ACYP2: variants seen among roughly 807,000 people sequenced by gnomAD.
The protein encoded by ACYP2 is acylphosphatase 2, also known as acylphosphatase-2.
In ACYP2, 12 loss-of-function variants were observed where a neutral mutation model predicts 11.2. The observed-to-expected ratio is 1.08, with a 90% CI of 0.69 to 1.74. The LOEUF (loss-of-function observed/expected upper bound fraction) is 1.74, where lower values mean the gene tolerates loss of function less well. Among genes scored for constraint, ACYP2 ranks in the 40% most tolerant of loss-of-function variants. ACYP2 has a pLI of 0.00. For synonymous variants in ACYP2, 43 were observed against 32.2 expected, an observed-to-expected ratio of 1.33 and a Z score of -1.13; for missense variants, 134 against 101.9, an observed-to-expected ratio of 1.31 and a Z score of -1.35.
chr2:54,075,942 T>C (rs1051849287), intron 4 of ACYP2, among the ~76,000 whole-genome samples: 1 of 152,246 alleles, frequency 6.6e-6, no homozygotes, highest in Non-Finnish European at 1.5e-5. Context: ...TTTTTATTAA[T>C]CTTTATATTT....
intron 6 of ACYP2, among the ~76,000 whole-genome samples, chr2:54,182,430 C>A (rs1039607139): frequency 5.9e-5 from 9 of 152,166 alleles, no homozygotes; most frequent in Non-Finnish European, 1.3e-4. Flanking sequence ...AAGCCTTGAC[C>A]TTCCAGGCTC....
intron 6 of ACYP2, among the ~76,000 whole-genome samples, chr2:54,228,295 A>C (rs905663420): frequency 6.6e-6 from 1 of 152,202 alleles, no homozygotes; most frequent in South Asian, 2.1e-4. Context: ...TAATTCTGTA[A>C]GTGGATATAT....
At chr2:54,100,460 A>T (rs1270306216) in intron 4 of ACYP2, among the ~76,000 whole-genome samples, 2 of 151,556 alleles carry the variant, frequency 1.3e-5, no homozygotes, top group African/African-American at 2.4e-5. Flanking sequence ...GCCCCACCAC[A>T]CCTGGCTAAT....
intron 2 of ACYP2, among the ~76,000 whole-genome samples, chr2:53,977,323 G>C (rs977775212): frequency 6.6e-6 from 1 of 152,110 alleles, no homozygotes; most frequent in Non-Finnish European, 1.5e-5. Flanking sequence ...GGAATTACAG[G>C]CGTGAGCCGC....
chr2:54,064,209 A>C (rs1572676682), intron 4 of ACYP2, among the ~76,000 whole-genome samples: 1 of 151,926 alleles, frequency 6.6e-6, no homozygotes, highest in Non-Finnish European at 1.5e-5. Flanking sequence ...GGAATTCCCT[A>C]CTTTAGGGGT....
At chr2:54,095,841 C>T (rs866363694) in intron 4 of ACYP2, among the ~76,000 whole-genome samples, 1 of 92,294 alleles carries the variant, frequency 1.1e-5, no homozygotes, top group African/African-American at 4.4e-5. Context: ...AGAGGGGCTC[C>T]TCACTTCCCA....
chr2:54,276,384 T>C (rs1688571238), intron 6 of ACYP2, among the ~76,000 whole-genome samples: 1 of 152,186 alleles, frequency 6.6e-6, no homozygotes, highest in South Asian at 2.1e-4. Context: ...GTCAATGTTA[T>C]AACACTTATT....
Position 53,973,789 on chromosome 2 carries a change from G to T in ACYP2, c.41G>T (p.Arg14Leu), listed in dbSNP as rs191895415. The T allele has an allele frequency of 1.5e-5, 5 of 336,898 alleles. No individual in the cohort carries two copies. Among genetic ancestry groups the T allele is most frequent in the South Asian group, 1.4e-4 (1 of 7,048 alleles). The allele number at this position is 336,898 out of a possible 1,614,324, so 20.9% of individuals were successfully genotyped here. The stretch of plus-strand genomic sequence containing the variant: ...AGCCTGTTTGGTGGTCTCTTCCCAC[G>T]GACGCGCGAGACAATGAGGAGGTAC... The change falls in exon 2 of 7, where the codon CGG becomes CTG. Residue 14 changes from arginine to leucine, a missense_variant. Coordinates refer to ENST00000607452, the MANE Select transcript of ACYP2 (RefSeq NM_001320586.2).
chr2:54,057,370 C>T (rs1676209154), intron 4 of ACYP2: 1 of 397,450 alleles, frequency 2.5e-6, no homozygotes, highest in South Asian at 1.3e-4. Flanking sequence ...AGTAAGTCTT[C>T]AAAATAAATA....
chr2:54,039,819 T>TTGCGTG (rs1675126404), intron 2 of ACYP2, among the ~76,000 whole-genome samples: 1 of 126,608 alleles, frequency 7.9e-6, no homozygotes, highest in Admixed American at 8.3e-5. Context: ...TTGTTTTCTT[T>TTGCGTG]TGTGTGTGTG....
At chr2:54,219,577 A>G (rs1359159881) in intron 6 of ACYP2, among the ~76,000 whole-genome samples, 5 of 152,280 alleles carry the variant, frequency 3.3e-5, no homozygotes, top group East Asian at 3.9e-4. Context: ...TTAATTAATC[A>G]CTAATGTTAT....
intron 4 of ACYP2, among the ~76,000 whole-genome samples, chr2:54,127,208 C>G (rs115990484): frequency 6.6e-6 from 1 of 150,732 alleles, no homozygotes; most frequent in Admixed American, 6.7e-5. Flanking sequence ...TATACACTGA[C>G]ATAATCATCC....
chr2:54,261,600 G>A (rs1687781687), intron 6 of ACYP2, among the ~76,000 whole-genome samples: 1 of 152,114 alleles, frequency 6.6e-6, no homozygotes, highest in African/African-American at 2.4e-5. Flanking sequence ...GTATAGTCTT[G>A]TTTTCCTTGG....
At chr2:54,120,630 G>C (rs1304267821) in intron 4 of ACYP2, among the ~76,000 whole-genome samples, 2 of 152,134 alleles carry the variant, frequency 1.3e-5, no homozygotes, top group African/African-American at 4.8e-5. Flanking sequence ...TGGCACCTCT[G>C]CCCAGGCTTT....
chr2:54,020,033 T>C (rs1017133786), intron 2 of ACYP2, among the ~76,000 whole-genome samples: 1 of 151,856 alleles, frequency 6.6e-6, no homozygotes, highest in Non-Finnish European at 1.5e-5. Flanking sequence ...ACCTCCTGGG[T>C]TCAAGGGATT....
chr2:54,021,335 G>A (rs1673998902), intron 2 of ACYP2, among the ~76,000 whole-genome samples: 1 of 152,168 alleles, frequency 6.6e-6, no homozygotes, highest in African/African-American at 2.4e-5. Flanking sequence ...ACTGAAACTA[G>A]GGGCAAGGAG....
intron 2 of ACYP2, among the ~76,000 whole-genome samples, chr2:54,003,151 G>T (rs1291077278): frequency 6.6e-6 from 1 of 151,862 alleles, no homozygotes; most frequent in Non-Finnish European, 1.5e-5. Context: ...CTCTCACCAT[G>T]TTGGCAGGCT....
intron 6 of ACYP2, among the ~76,000 whole-genome samples, chr2:54,282,174 A>G (rs187049051): frequency 4.9e-4 from 75 of 152,342 alleles, no homozygotes; most frequent in Middle Eastern, 3.4e-3. Context: ...TTATGAAATA[A>G]CAGAAGAATA....
chr2:54,262,889 C>A (rs843688), intron 6 of ACYP2, among the ~76,000 whole-genome samples: 65,792 of 151,832 alleles, frequency 0.43, 14,485 homozygotes, highest in South Asian at 0.55. Context: ...CTTTATTGAA[C>A]GGTCTTTGAA....
Sources: allele counts gnomAD v4.1 joint callset (sites outside exome capture counted in the v4.1 genomes callset), GRCh38; gene constraint gnomAD v4.1.1; transcripts MANE v1.5; gene names NCBI Gene and HGNC (gene_info 2026-07-23, HGNC 2026-07-21).